Variants in CA10 observed in about 807,000 individuals in gnomAD.
CA10 encodes carbonic anhydrase 10 (inactive), also known as carbonic anhydrase-related protein 10.
A neutral mutation model predicts 44.2 loss-of-function variants in CA10; 14 were observed. The ratio of observed to expected loss-of-function variants is 0.32; its 90% CI spans 0.21 to 0.50. CA10 has a LOEUF of 0.50. Ranked by LOEUF, CA10 falls within the 20% of genes least tolerant of loss-of-function variation. The pLI, the probability that CA10 is intolerant of heterozygous loss-of-function variation, is 0.99. For missense variants in CA10, 350 were observed against 409.7 expected (o/e 0.85, Z 1.26); for synonymous variants, 159 against 141.6 (o/e 1.12, Z -0.87).
At chr17:51,835,412 G>C (rs560477149) in intron 3 of CA10, among the ~76,000 whole-genome samples, 1 of 152,346 alleles carries the variant, frequency 6.6e-6, no homozygotes, top group Non-Finnish European at 1.5e-5. Flanking sequence ...CGGTGGAACT[G>C]TGGCCTGCTG....
intron 2 of CA10, among the ~76,000 whole-genome samples, chr17:52,020,119 A>G (rs1290629926): frequency 6.6e-6 from 1 of 151,974 alleles, no homozygotes; most frequent in African/African-American, 2.4e-5. Context: ...ATATCTTTTT[A>G]GTGGATTGAC....
intron 4 of CA10, among the ~76,000 whole-genome samples, chr17:51,657,864 T>C (rs781534497): frequency 6.6e-6 from 1 of 152,186 alleles, no homozygotes; most frequent in Non-Finnish European, 1.5e-5. Context: ...AATGATGACA[T>C]GCTAATTAAA....
intron 3 of CA10, among the ~76,000 whole-genome samples, chr17:51,751,343 T>C (rs527399536): frequency 6.6e-6 from 1 of 152,286 alleles, no homozygotes; most frequent in South Asian, 2.1e-4. Flanking sequence ...TGGAAACAGA[T>C]GGTGGTGATG....
intron 2 of CA10, among the ~76,000 whole-genome samples, chr17:51,941,735 C>A (rs1197867216): frequency 1.3e-5 from 2 of 152,038 alleles, no homozygotes; most frequent in Non-Finnish European, 2.9e-5. Context: ...ATAATATGAC[C>A]ACTGAAAATA....
At chr17:51,817,186 A>G (rs1166297325) in intron 3 of CA10, among the ~76,000 whole-genome samples, 1 of 152,162 alleles carries the variant, frequency 6.6e-6, no homozygotes, top group Non-Finnish European at 1.5e-5. Context: ...AGGGTTTTTT[A>G]TGGATCATCA....
intron 7 of CA10, among the ~76,000 whole-genome samples, chr17:51,635,379 G>A (rs1266839695): frequency 6.6e-6 from 1 of 152,120 alleles, no homozygotes; most frequent in Non-Finnish European, 1.5e-5. Flanking sequence ...CGGGCGTGGT[G>A]GCACGTGTCT....
At chr17:51,825,807 T>G (rs1262812523) in intron 3 of CA10, among the ~76,000 whole-genome samples, 5 of 152,200 alleles carry the variant, frequency 3.3e-5, no homozygotes, top group African/African-American at 1.2e-4. Context: ...AACAAAATGA[T>G]TCGAACGTTG....
At chr17:52,046,418 T>C (rs886457295) in intron 2 of CA10, among the ~76,000 whole-genome samples, 1 of 151,712 alleles carries the variant, frequency 6.6e-6, no homozygotes, top group African/African-American at 2.4e-5. Context: ...ACCGAAAGTA[T>C]ACTAAAAGGA....
At chr17:51,687,292 T>C (rs185091271) in intron 4 of CA10, among the ~76,000 whole-genome samples, 5 of 152,328 alleles carry the variant, frequency 3.3e-5, no homozygotes, top group African/African-American at 9.6e-5. Context: ...TAAAAATGTC[T>C]CCTTCTTAGA....
At chr17:52,107,612 T>C (rs954821041) in intron 1 of CA10, among the ~76,000 whole-genome samples, 7 of 152,106 alleles carry the variant, frequency 4.6e-5, no homozygotes, top group African/African-American at 1.7e-4. Flanking sequence ...TGCAGATTCT[T>C]ATAATTTGGG....
At chr17:51,714,128 C>G (rs1351574829) in intron 4 of CA10, among the ~76,000 whole-genome samples, 2 of 152,146 alleles carry the variant, frequency 1.3e-5, no homozygotes, top group African/African-American at 4.8e-5. Flanking sequence ...AGCACTGACA[C>G]CAGTTCCTGA....
chr17:51,958,048 G>T (rs1183542350), intron 2 of CA10, among the ~76,000 whole-genome samples: 1 of 152,080 alleles, frequency 6.6e-6, no homozygotes, highest in African/African-American at 2.4e-5. Flanking sequence ...CTCTTAGAAG[G>T]CAGGGACTCA....
At chr17:51,985,957 C>T (rs1984819021) in intron 2 of CA10, among the ~76,000 whole-genome samples, 1 of 151,892 alleles carries the variant, frequency 6.6e-6, no homozygotes, top group Admixed American at 6.6e-5. Context: ...ATGCAATTAC[C>T]ATCAAAGTAC....
At chr17:51,634,237 C>T (rs1281890534) in intron 7 of CA10, among the ~76,000 whole-genome samples, 2 of 152,210 alleles carry the variant, frequency 1.3e-5, no homozygotes, top group Non-Finnish European at 2.9e-5. Context: ...CTGGGGTTCC[C>T]ATTTCAGTGA....
intron 4 of CA10, among the ~76,000 whole-genome samples, chr17:51,703,034 A>C (rs1915650766): frequency 1.3e-5 from 2 of 152,130 alleles, no homozygotes; most frequent in Non-Finnish European, 2.9e-5. Flanking sequence ...GTTATATACA[A>C]ATCACTGTGC....
At chr17:51,945,547 G>A (rs1016782714) in intron 2 of CA10, among the ~76,000 whole-genome samples, 5 of 152,238 alleles carry the variant, frequency 3.3e-5, no homozygotes, top group South Asian at 2.1e-4. Context: ...CAGGTAAGCC[G>A]ATGTCAGCTG....
chr17:51,891,749 C>G (rs1567875242), intron 3 of CA10, among the ~76,000 whole-genome samples: 1 of 152,118 alleles, frequency 6.6e-6, no homozygotes, highest in Admixed American at 6.6e-5. Flanking sequence ...TTTCCTTTTG[C>G]CCCGCCCTGT....
intron 3 of CA10, among the ~76,000 whole-genome samples, chr17:51,797,358 G>A (rs1906751859): frequency 1.3e-5 from 2 of 152,134 alleles, no homozygotes; most frequent in Admixed American, 6.5e-5. Context: ...GCGCACGCAC[G>A]CGTGCACGCA....
intron 3 of CA10, among the ~76,000 whole-genome samples, chr17:51,879,704 T>C (rs1980276367): frequency 6.6e-6 from 1 of 151,950 alleles, no homozygotes; most frequent in African/African-American, 2.4e-5. Context: ...TGCAGAGAGG[T>C]CATTGCTCCC....
Sources: gnomAD v4.1 joint callset for allele counts (sites outside exome capture counted in the v4.1 genomes callset) on GRCh38, gnomAD v4.1.1 for gene constraint, MANE v1.5 for transcripts, NCBI Gene and HGNC (gene_info 2026-07-23, HGNC 2026-07-21) for gene names.